Variants in PARD3 observed in about 807,000 individuals in gnomAD.
The protein encoded by PARD3 is partitioning defective 3 homolog.
PARD3 carries 75 observed loss-of-function variants against 155.4 expected under a neutral mutation model. That is an observed-to-expected ratio of 0.48 (90% confidence interval 0.40 to 0.58). The LOEUF (loss-of-function observed/expected upper bound fraction) is 0.58. Ranked by LOEUF, PARD3 falls within the 20% of genes least tolerant of loss-of-function variation. The probability of loss-of-function intolerance (pLI) is 0.00; values close to 1 mark genes in which losing one functional copy is unlikely to be tolerated. For synonymous variants in PARD3, 576 were observed against 610.5 expected (o/e 0.94, Z 0.83); for missense variants, 1,642 against 1,721.7 (o/e 0.95, Z 0.82).
chr10:34,269,413 A>T (rs1955503093), intron 22 of PARD3, among the ~76,000 whole-genome samples: 1 of 152,236 alleles, frequency 6.6e-6, no homozygotes, highest in Admixed American at 6.5e-5. Context: ...GTTCTCAGGT[A>T]TAAAACCATC....
chr10:34,301,815 TTTC>T (rs1478434240), intron 20 of PARD3, among the ~76,000 whole-genome samples: 51 of 53,300 alleles, frequency 9.6e-4, no homozygotes, highest in Middle Eastern at 0.011. Context: ...TTCTTTCTCC[TTTC>T]TTTTTTTTTT....
In PARD3 at chr10:34,399,388, G is replaced by T; in HGVS notation, c.832C>A (p.Pro278Thr). 1 of 1,611,036 alleles carries T rather than the reference G, an allele frequency of 6.2e-7. No homozygotes were observed. Among genetic ancestry groups the T allele is most frequent in the Non-Finnish European group, 8.5e-7 (1 of 1,177,314 alleles). ...LDDMVKLVEV[P>T]NDGGPLGIHV... is the part of the protein sequence containing the mutation. The stretch of plus-strand genomic sequence containing the variant: ...ATTCCCAGAGGCCCTCCATCGTTGG[G>T]GACTTCTACGAGCTTTACCATATCA... Residue 278 changes from proline (P) to threonine (T), a missense_variant, in exon 7 of 25, where the codon CCC becomes ACC. Around this residue, in one of 3 missense-constraint regions of PARD3, gnomAD observed 1,529 missense variants for 1,587.3 expected, o/e 0.96. Coordinates refer to ENST00000374788, the MANE Select transcript of PARD3 (RefSeq NM_001184785.2).
At chr10:34,243,802 T>C (rs758039265) in intron 22 of PARD3, among the ~76,000 whole-genome samples, 3 of 152,162 alleles carry the variant, frequency 2.0e-5, no homozygotes, top group Non-Finnish European at 4.4e-5. Flanking sequence ...AGGGCGAGAC[T>C]CCATCTCAAA....
rs193288439 is a variant in PARD3 at position 34,706,210 on chromosome 10, T to C, written c.121-9791A>G. Reference sequence around the variant, plus strand: ...CATTATCTCATGTGGAAAGAGGGCTTATAATTCCTATTTTCAGAGGAGAGA... The same window carrying C: ...CATTATCTCATGTGGAAAGAGGGCTCATAATTCCTATTTTCAGAGGAGAGA... On this transcript the variant is annotated intron_variant, in intron 1 of 24. Coordinates refer to ENST00000374788, the MANE Select transcript of PARD3 (RefSeq NM_001184785.2). 2.5e-3 allele frequency among the ~76,000 whole-genome samples: 379 copies of C among 152,302 alleles called. 3 individuals are homozygous for C. Among genetic ancestry groups the C allele is most frequent in the South Asian group, 0.022 (106 of 4,826 alleles).
chr10:34,331,490 T>C (rs1426912472), intron 18 of PARD3, 146 bp from the exon 19 acceptor site: 1 of 558,382 alleles, frequency 1.8e-6, no homozygotes, highest in Non-Finnish European at 3.2e-6. Context: ...AAAGAATAAA[T>C]GAAGTAATAG....
intron 2 of PARD3, among the ~76,000 whole-genome samples, chr10:34,612,105 C>T (rs1311030141): frequency 3.3e-5 from 5 of 152,010 alleles, no homozygotes; most frequent in East Asian, 1.9e-4. Flanking sequence ...GGATTACAGG[C>T]GTGAGCCACC....
chr10:34,731,538 C>T (rs1375008820), intron 1 of PARD3, among the ~76,000 whole-genome samples: 2 of 152,162 alleles, frequency 1.3e-5, no homozygotes, highest in Non-Finnish European at 2.9e-5. Flanking sequence ...CATAAAATGA[C>T]CACACTTTTG....
intron 2 of PARD3, among the ~76,000 whole-genome samples, chr10:34,682,166 C>T (rs144897153): frequency 2.6e-5 from 4 of 152,208 alleles, no homozygotes; most frequent in East Asian, 1.9e-4. Flanking sequence ...TGATAGTGGA[C>T]GGTCATCATT....
intron 5 of PARD3, among the ~76,000 whole-genome samples, chr10:34,448,325 T>TG (rs200155364): frequency 7.5e-5 from 10 of 133,744 alleles, no homozygotes; most frequent in South Asian, 2.6e-4. Context: ...AGTGGAATCT[T>TG]GGAAAAAAAA....
chr10:34,704,315 A>G (rs1258474866), intron 1 of PARD3, among the ~76,000 whole-genome samples: 2 of 152,244 alleles, frequency 1.3e-5, no homozygotes, highest in Non-Finnish European at 2.9e-5. Context: ...AAAGGTGATC[A>G]AGGTATCATA....
chr10:34,727,157 G>C (rs552325790), intron 1 of PARD3, among the ~76,000 whole-genome samples: 1 of 152,272 alleles, frequency 6.6e-6, no homozygotes, highest in East Asian at 1.9e-4. Context: ...TAAAGACTTT[G>C]GCTCAAGAGT....
intron 22 of PARD3, among the ~76,000 whole-genome samples, chr10:34,143,189 G>A (rs535271712): frequency 6.6e-5 from 10 of 152,134 alleles, no homozygotes; most frequent in African/African-American, 2.4e-4. Flanking sequence ...GTGTGGTGGT[G>A]CATGCCTGTA....
intron 2 of PARD3, among the ~76,000 whole-genome samples, chr10:34,579,572 G>GTGTGTGTGTGTGTGTGTGTA (rs1554775630): frequency 3.5e-4 from 52 of 149,658 alleles, no homozygotes; most frequent in East Asian, 1.6e-3. Flanking sequence ...GTGTGTGTGT[G>GTGTGTGTGTGTGTGTGTGTA]TGTGTGTGTG....
chr10:34,705,308 T>C (rs916722569), intron 1 of PARD3, among the ~76,000 whole-genome samples: 1 of 151,902 alleles, frequency 6.6e-6, no homozygotes, highest in Admixed American at 6.6e-5. Context: ...CACAAATAAG[T>C]TTTTTCTTGT....
At chr10:34,388,771 A>G (rs17558405) in intron 7 of PARD3, among the ~76,000 whole-genome samples, 10,261 of 152,274 alleles carry the variant, frequency 0.067, 464 homozygotes, top group Non-Finnish European at 0.096. Context: ...CATCCTAAGA[A>G]GAAACCACTT....
At chr10:34,773,522 G>T (rs905537495) in intron 1 of PARD3, among the ~76,000 whole-genome samples, 3 of 152,200 alleles carry the variant, frequency 2.0e-5, no homozygotes, top group Non-Finnish European at 4.4e-5. Flanking sequence ...TGTAGATCTT[G>T]ATAATCATGC....
intron 2 of PARD3, among the ~76,000 whole-genome samples, chr10:34,551,909 G>A (rs973351812): frequency 1.3e-5 from 2 of 152,182 alleles, no homozygotes; most frequent in Non-Finnish European, 2.9e-5. Flanking sequence ...ATAGACTGGA[G>A]TAGCAACACA....
chr10:34,197,315 C>G (rs1253108441), intron 22 of PARD3, among the ~76,000 whole-genome samples: 3 of 152,150 alleles, frequency 2.0e-5, no homozygotes, highest in Non-Finnish European at 4.4e-5. Flanking sequence ...TCTGAGGGAA[C>G]TGATTGGACC....
chr10:34,114,750 G>A (rs1006848372), intron 24 of PARD3, among the ~76,000 whole-genome samples: 2 of 152,214 alleles, frequency 1.3e-5, no homozygotes, highest in Admixed American at 6.5e-5. Context: ...CTTACTAAGC[G>A]AGGGCAACTT....
Sources: gnomAD v4.1 joint callset for allele counts (sites outside exome capture counted in the v4.1 genomes callset) on GRCh38, gnomAD v4.1.1 for gene constraint, gnomAD v4.1.1 regional missense constraint, MANE v1.5 for transcripts, NCBI Gene and HGNC (gene_info 2026-07-23, HGNC 2026-07-21) for gene names.